The following NAT2 variants were observed in gnomAD, a reference collection of about 807,000 sequenced individuals.
NAT2 encodes arylamine N-acetyltransferase 2.
For synonymous variants in NAT2, 137 were observed against 125.9 expected, an observed-to-expected ratio of 1.09 and a Z score of -0.59; for missense variants, 428 against 339.1, an observed-to-expected ratio of 1.26 and a Z score of -2.06.
At chr8:18,399,201 C>A (rs1800746841) in intron 1 of NAT2, among the ~76,000 whole-genome samples, 2 of 152,144 alleles carry the variant, frequency 1.3e-5, no homozygotes, top group African/African-American at 4.8e-5. Context: ...CTGCATGGAA[C>A]AATCCTCCTC....
chr8:18,389,953 A>C (rs1342759237), upstream of NAT2, among the ~76,000 whole-genome samples: 1 of 152,244 alleles, frequency 6.6e-6, no homozygotes, highest in Non-Finnish European at 1.5e-5. Flanking sequence ...CAGTGAACCC[A>C]AGACACCTTG....
chr8:18,387,252 C>T (rs1201696318), upstream of NAT2: 1 of 153,288 alleles, frequency 6.5e-6, no homozygotes. Context: ...GCTCCTCCCG[C>T]TGGCGGCGCC....
intron 1 of NAT2, among the ~76,000 whole-genome samples, chr8:18,399,775 G>C (rs1800754992): frequency 6.6e-6 from 1 of 151,484 alleles, no homozygotes; most frequent in Non-Finnish European, 1.5e-5. Flanking sequence ...AAAGACGGAA[G>C]ATACAATAAT....
chr8:18,397,731 A>C (rs1800717792), intron 1 of NAT2, among the ~76,000 whole-genome samples: 1 of 151,994 alleles, frequency 6.6e-6, no homozygotes, highest in South Asian at 2.1e-4. Context: ...GTTTAATGCT[A>C]TTTTTTTCTT....
Position 18,400,069 on chromosome 8 carries a change from A to G in NAT2, c.66A>G (p.Glu22=). Residue 22 remains glutamate (E), a synonymous_variant, in exon 2 of 2, where the codon GAA becomes GAG. Coordinates refer to ENST00000286479, the MANE Select transcript of NAT2 (RefSeq NM_000015.3). ...ACTCTAGGAACAAATTGGACTTGGAAACATTAACTGACATTCTTGAGCACC... is the reference window on the plus strand; with the variant it reads ...ACTCTAGGAACAAATTGGACTTGGAGACATTAACTGACATTCTTGAGCACC... ...YKNSRNKLDL[E]TLTDILEHQI... 1 of 1,613,208 alleles carries G rather than the reference A, an allele frequency of 6.2e-7. No individual in the cohort carries two copies. The highest frequency in any genetic ancestry group is 8.5e-7 in the Non-Finnish European group (1 of 1,179,520).
rs769102650 is a variant in NAT2, at chr8:18,400,573, C to G, written c.570C>G (p.Tyr190Ter). Residue 190 changes from tyrosine (Y) to a stop codon, truncating the protein, a stop_gained, in exon 2 of 2, where the codon TAC becomes TAG. Transcript: ENST00000286479. LOFTEE classifies it low-confidence loss of function (END_TRUNC). ...LLPKKKHQKI[Y>*]LFTLEPRTIE... ...CAAAGAAGAAACACCAAAAAATATA[C>G]TTATTTACGCTTGAACCTCGAACAA... The G allele has an allele frequency of 6.2e-6, 10 of 1,612,354 alleles. No homozygotes were observed. The highest frequency in any genetic ancestry group is 1.1e-5 in the South Asian group (1 of 90,620).
Position 18,400,488 on chromosome 8 carries a change from A to C in NAT2, c.485A>C (p.Asp162Ala). ...LTEERGIWYL[D>A]QIRREQYITN... Reference sequence around the variant, plus strand: ...GAAGAGAGAGGAATCTGGTACCTGGACCAAATCAGGAGAGAGCAGTATATT... The same window carrying C: ...GAAGAGAGAGGAATCTGGTACCTGGCCCAAATCAGGAGAGAGCAGTATATT... The change falls in exon 2 of 2, where the codon GAC becomes GCC. Residue 162 changes from aspartate to alanine, a missense_variant. Asp to Ala is a moderately radical substitution (Grantham distance 126, BLOSUM62 -2). Transcript: ENST00000286479. The C allele has an allele frequency of 6.2e-7, 1 of 1,613,850 alleles. No homozygotes were observed. The highest frequency in any genetic ancestry group is 8.5e-7 in the Non-Finnish European group (1 of 1,179,942).
rs139351995 is a variant in NAT2, at chr8:18,400,475, A to C, written c.472A>C (p.Ile158Leu). ...CIFCLTEERGIWYLDQIRREQ... is the reference protein window; with the variant it reads ...CIFCLTEERGLWYLDQIRREQ... ...TTTCTGCTTGACAGAAGAGAGAGGA[A>C]TCTGGTACCTGGACCAAATCAGGAG... is the stretch of plus-strand genomic sequence containing the variant. The change falls in exon 2 of 2, where the codon ATC (isoleucine) becomes CTC (leucine). Residue 158 changes from isoleucine (I) to leucine (L), a missense_variant. Transcript: ENST00000286479. 397 of 1,613,808 alleles carry C rather than the reference A, an allele frequency of 2.5e-4. No individual in the cohort carries two copies. In the African/African-American group the frequency reaches 4.8e-3, roughly 19 times the overall value.
intron 1 of NAT2, among the ~76,000 whole-genome samples, chr8:18,399,314 C>T (rs1481325509): frequency 6.6e-6 from 1 of 152,186 alleles, no homozygotes; most frequent in Non-Finnish European, 1.5e-5. Context: ...CACCCACTAA[C>T]CCCTCTTTTT....
At chr8:18,392,211 C>G (rs1215859921) in intron 1 of NAT2, among the ~76,000 whole-genome samples, 1 of 151,982 alleles carries the variant, frequency 6.6e-6, no homozygotes, top group African/African-American at 2.4e-5. Flanking sequence ...TTTAGAGGGC[C>G]AGAACTAATA....
At chr8:18,397,429 T>C (rs4621844) in intron 1 of NAT2, among the ~76,000 whole-genome samples, 56,429 of 151,904 alleles carry the variant, frequency 0.37, 11,156 homozygotes, top group Middle Eastern at 0.45. Context: ...TGATAAATAA[T>C]TTTATATTTT....
chr8:18,394,115 G>T (rs1800641867), intron 1 of NAT2, among the ~76,000 whole-genome samples: 1 of 152,124 alleles, frequency 6.6e-6, no homozygotes, highest in African/African-American at 2.4e-5. Flanking sequence ...CAGTCAAAGG[G>T]GGGTTGTTCT....
chr8:18,389,926 C>G (rs1293278562), upstream of NAT2, among the ~76,000 whole-genome samples: 1 of 152,158 alleles, frequency 6.6e-6, no homozygotes, highest in African/African-American at 2.4e-5. Flanking sequence ...TAAGGAATCA[C>G]CAGTGCGGGA....
chr8:18,388,956 G>A (rs1478602130), upstream of NAT2, among the ~76,000 whole-genome samples: 1 of 152,080 alleles, frequency 6.6e-6, no homozygotes, highest in Non-Finnish European at 1.5e-5. Flanking sequence ...GAGGCTGTAG[G>A]GTATTCTCAA....
At position 18,400,459 on chromosome 8, in the gene NAT2, G is replaced by C. The variant is rs1319339483; in HGVS notation, c.456G>C (p.Leu152Phe). 9.3e-6 allele frequency: 15 copies of C among 1,613,790 alleles called. 1 individual carries two copies. In the South Asian group the frequency reaches 1.5e-4, roughly 17 times the overall value. Residue 152 changes from leucine (L) to phenylalanine (F), a missense_variant, in exon 2 of 2, where the codon TTG becomes TTC. Physicochemically the swap from Leu to Phe is conservative, Grantham distance 22 (BLOSUM62 0). Transcript: ENST00000286479. ...CTCAGGTGCCTTGCATTTTCTGCTT[G>C]ACAGAAGAGAGAGGAATCTGGTACC... ...DQPQVPCIFCLTEERGIWYLD... is the reference protein window; with the variant it reads ...DQPQVPCIFCFTEERGIWYLD...
intron 1 of NAT2, among the ~76,000 whole-genome samples, chr8:18,397,684 T>C (rs45615837): frequency 4.8e-4 from 73 of 152,212 alleles, no homozygotes; most frequent in African/African-American, 1.7e-3. Flanking sequence ...TCTTAAAGTA[T>C]TGATTTGCTC....
upstream of NAT2, among the ~76,000 whole-genome samples, chr8:18,389,309 C>G (rs1800556758): frequency 6.6e-6 from 1 of 152,158 alleles, no homozygotes; most frequent in Non-Finnish European, 1.5e-5. Flanking sequence ...ATTTCCTCTG[C>G]TTCTCTCTCA....
intron 1 of NAT2, among the ~76,000 whole-genome samples, chr8:18,396,609 T>C (rs1384207965): frequency 3.3e-5 from 5 of 152,154 alleles, no homozygotes; most frequent in Admixed American, 1.3e-4. Flanking sequence ...TTGGTCAGGA[T>C]GGTCTCGAAC....
At chr8:18,399,671 G>T (rs1384873502) in intron 1 of NAT2, among the ~76,000 whole-genome samples, 1 of 152,072 alleles carries the variant, frequency 6.6e-6, no homozygotes, top group African/African-American at 2.4e-5. Flanking sequence ...ATACCAATTG[G>T]AATCTCTTTT....
Sources: allele counts gnomAD v4.1 joint callset (sites outside exome capture counted in the v4.1 genomes callset), GRCh38; gene constraint gnomAD v4.1.1; transcripts MANE v1.5; gene names NCBI Gene and HGNC (gene_info 2026-07-23, HGNC 2026-07-21).